FHIT: variants seen among roughly 807,000 people sequenced by gnomAD.
FHIT encodes the protein bis(5'-adenosyl)-triphosphatase.
In FHIT, 19 loss-of-function variants were observed where a neutral mutation model predicts 17.9. The observed-to-expected ratio is 1.06, with a 90% CI of 0.74 to 1.56. The LOEUF (loss-of-function observed/expected upper bound fraction) is 1.56, where lower values mean the gene tolerates loss of function less well. FHIT is among the 40% of genes most tolerant of loss of function. The probability of loss-of-function intolerance (pLI) is 0.00; values close to 1 mark genes in which losing one functional copy is unlikely to be tolerated. For synonymous variants in FHIT, 81 were observed against 69.7 expected (o/e 1.16, Z -0.81); for missense variants, 248 against 189.2 (o/e 1.31, Z -1.82).
intron 8 of FHIT, among the ~76,000 whole-genome samples, chr3:59,796,642 A>G (rs972590320): frequency 1.3e-5 from 2 of 152,222 alleles, no homozygotes; most frequent in Non-Finnish European, 2.9e-5. Context: ...AGATGCTTTT[A>G]TAACTGTGAG....
At chr3:60,319,287 A>C (rs987148618) in intron 5 of FHIT, among the ~76,000 whole-genome samples, 1 of 151,906 alleles carries the variant, frequency 6.6e-6, no homozygotes, top group African/African-American at 2.4e-5. Context: ...CTCACCCATC[A>C]CCCTCACTCT....
chr3:60,562,317 A>G (rs1467324446), intron 4 of FHIT, among the ~76,000 whole-genome samples: 2 of 152,190 alleles, frequency 1.3e-5, no homozygotes, highest in African/African-American at 4.8e-5. Flanking sequence ...AGTTAGTAAC[A>G]TTTTCAGATA....
chr3:60,203,793 G>T (rs897464697), intron 5 of FHIT, among the ~76,000 whole-genome samples: 6 of 152,052 alleles, frequency 3.9e-5, no homozygotes, highest in Admixed American at 1.3e-4. Context: ...TAGACAAGAA[G>T]GGGACAAAGA....
chr3:60,329,208 C>CTT lies in FHIT; in HGVS notation c.103+207650_103+207651dup, dbSNP rs528792885. Among the ~76,000 whole-genome samples the CTT allele has an allele frequency of 3.5e-3, 519 of 150,186 alleles. 3 individuals are homozygous for CTT. The highest frequency in any genetic ancestry group is 9.5e-3 in the South Asian group (45 of 4,724). ...ACCTATTTATACAAGAGATTTTCTA[C>CTT]TTTTTTTTTTCTAATTTAGCTAACC... On this transcript the variant is annotated intron_variant, in intron 5 of 9. Transcript: ENST00000492590.
intron 8 of FHIT, among the ~76,000 whole-genome samples, chr3:59,911,547 ATTCTGGAG>A (rs1355776869): frequency 6.6e-6 from 1 of 152,138 alleles, no homozygotes; most frequent in Non-Finnish European, 1.5e-5. Flanking sequence ...TGGTGATTTG[ATTCTGGAG>A]TTACCCACAA....
chr3:60,500,934 C>A (rs937368030), intron 5 of FHIT, among the ~76,000 whole-genome samples: 5 of 152,094 alleles, frequency 3.3e-5, no homozygotes, highest in African/African-American at 7.2e-5. Flanking sequence ...GTGGCTAACA[C>A]AGGGCTTGGC....
At chr3:59,772,544 G>C (rs1702120314) in intron 8 of FHIT, among the ~76,000 whole-genome samples, 1 of 152,220 alleles carries the variant, frequency 6.6e-6, no homozygotes, top group African/African-American at 2.4e-5. Flanking sequence ...AGAGGTCGGG[G>C]AACTGGCCCA....
intron 8 of FHIT, among the ~76,000 whole-genome samples, chr3:59,920,754 A>G (rs1428190228): frequency 6.6e-6 from 1 of 152,224 alleles, no homozygotes; most frequent in African/African-American, 2.4e-5. Flanking sequence ...TTGTATTTTA[A>G]TTACATCTCT....
intron 4 of FHIT, among the ~76,000 whole-genome samples, chr3:60,745,206 A>G (rs549374455): frequency 6.6e-6 from 1 of 152,362 alleles, no homozygotes; most frequent in Admixed American, 6.5e-5. Flanking sequence ...AGGCTCTATT[A>G]CAAAGAGTTC....
chr3:60,301,401 G>A (rs781407721), intron 5 of FHIT, among the ~76,000 whole-genome samples: 19 of 152,066 alleles, frequency 1.2e-4, no homozygotes, highest in Non-Finnish European at 2.6e-4. Context: ...ACTGTATCTC[G>A]CCAAGCTATA....
At chr3:60,394,203 T>C (rs1422637300) in intron 5 of FHIT, among the ~76,000 whole-genome samples, 1 of 152,060 alleles carries the variant, frequency 6.6e-6, no homozygotes, top group African/African-American at 2.4e-5. Flanking sequence ...AGAAAATTCA[T>C]TGAAGAGAGA....
chr3:60,271,745 T>C (rs950070285), intron 5 of FHIT, among the ~76,000 whole-genome samples: 3 of 152,194 alleles, frequency 2.0e-5, no homozygotes, highest in African/African-American at 7.2e-5. Flanking sequence ...TTCCCTTCCA[T>C]GTTATGAAGA....
At chr3:60,691,152 T>C (rs1328708931) in intron 4 of FHIT, among the ~76,000 whole-genome samples, 1 of 152,162 alleles carries the variant, frequency 6.6e-6, no homozygotes, top group African/African-American at 2.4e-5. Flanking sequence ...TGTTTGTTCG[T>C]TGTGCTCCGA....
intron 3 of FHIT, among the ~76,000 whole-genome samples, chr3:60,890,040 T>A (rs1205427672): frequency 6.6e-6 from 1 of 152,140 alleles, no homozygotes; most frequent in Non-Finnish European, 1.5e-5. Flanking sequence ...TGTCAACACA[T>A]GCTTAATACA....
At chr3:59,859,230 T>C (rs548659377) in intron 8 of FHIT, among the ~76,000 whole-genome samples, 2 of 152,150 alleles carry the variant, frequency 1.3e-5, no homozygotes, top group African/African-American at 4.8e-5. Context: ...GTCAGTGTGG[T>C]TGCCTTCTGA....
At chr3:60,926,256 C>T (rs1575701092) in intron 3 of FHIT, among the ~76,000 whole-genome samples, 1 of 152,194 alleles carries the variant, frequency 6.6e-6, no homozygotes, top group South Asian at 2.1e-4. Context: ...AATATACATT[C>T]TTTTCAGCAC....
chr3:60,355,475 G>T (rs1297928575), intron 5 of FHIT, among the ~76,000 whole-genome samples: 2 of 148,602 alleles, frequency 1.3e-5, no homozygotes, highest in East Asian at 3.9e-4. Context: ...GGCTTTATTT[G>T]AGAAAAAAAA....
intron 2 of FHIT, among the ~76,000 whole-genome samples, chr3:61,160,854 A>G (rs1371757159): frequency 6.6e-6 from 1 of 152,202 alleles, no homozygotes; most frequent in Admixed American, 6.5e-5. Context: ...CCTTACATAA[A>G]AGCTTTGCTT....
chr3:60,997,193 C>T (rs1388466685), intron 3 of FHIT, among the ~76,000 whole-genome samples: 3 of 152,246 alleles, frequency 2.0e-5, no homozygotes, highest in Admixed American at 6.5e-5. Context: ...GGGGATGAAA[C>T]AATACATGTG....
Sources: gnomAD v4.1 joint callset for allele counts (sites outside exome capture counted in the v4.1 genomes callset) on GRCh38, gnomAD v4.1.1 for gene constraint, MANE v1.5 for transcripts, NCBI Gene and HGNC (gene_info 2026-07-23, HGNC 2026-07-21) for gene names.